Variants in SIPA1L3 observed in about 807,000 individuals in gnomAD.
The protein encoded by SIPA1L3 is signal induced proliferation associated 1 like 3.
SIPA1L3 carries 59 observed loss-of-function variants against 150.1 expected under a neutral mutation model. That is an observed-to-expected ratio of 0.39 (90% confidence interval 0.32 to 0.49). SIPA1L3 has a LOEUF of 0.49. Ranked by LOEUF, SIPA1L3 falls within the 20% of genes least tolerant of loss-of-function variation. The pLI is 0.86. For synonymous variants in SIPA1L3, 1,070 were observed against 1,077.6 expected (o/e 0.99, Z 0.14); for missense variants, 2,211 against 2,489.5 (o/e 0.89, Z 2.38).
intron 1 of SIPA1L3, among the ~76,000 whole-genome samples, chr19:37,971,132 T>G (rs184531485): frequency 5.0e-4 from 76 of 152,180 alleles, no homozygotes; most frequent in East Asian, 4.8e-3. Flanking sequence ...CCATGCTTTT[T>G]TTTGTTTGTT....
chr19:37,934,416 T>C (rs1300794057), intron 1 of SIPA1L3, among the ~76,000 whole-genome samples: 1 of 152,186 alleles, frequency 6.6e-6, no homozygotes, highest in Non-Finnish European at 1.5e-5. Context: ...GACTCTCCTA[T>C]TACACTTATT....
intron 4 of SIPA1L3, among the ~76,000 whole-genome samples, chr19:38,099,711 T>G (rs1359168125): frequency 6.6e-6 from 1 of 152,120 alleles, no homozygotes; most frequent in Non-Finnish European, 1.5e-5. Flanking sequence ...CCTTCAAGGT[T>G]ACGATACCAT....
chr19:38,017,940 A>C (rs1433367646), intron 1 of SIPA1L3, among the ~76,000 whole-genome samples: 1 of 140,990 alleles, frequency 7.1e-6, no homozygotes, highest in African/African-American at 2.5e-5. Flanking sequence ...ACTAAAAAGC[A>C]TGTGGCTGAC....
chr19:38,040,515 A>G (rs1440814278), intron 2 of SIPA1L3, among the ~76,000 whole-genome samples: 1 of 152,220 alleles, frequency 6.6e-6, no homozygotes, highest in African/African-American at 2.4e-5. Context: ...AAGTGGTTAT[A>G]TAATCGCCTG....
chr19:37,989,665 C>CT (rs74174502), intron 1 of SIPA1L3, among the ~76,000 whole-genome samples: 47,568 of 127,590 alleles, frequency 0.37, 9,388 homozygotes, highest in South Asian at 0.5. Flanking sequence ...AGGATGAATT[C>CT]TTTTTTTTTT....
intron 1 of SIPA1L3, among the ~76,000 whole-genome samples, chr19:37,995,922 T>G (rs1479509393): frequency 6.6e-6 from 1 of 152,072 alleles, no homozygotes; most frequent in Non-Finnish European, 1.5e-5. Flanking sequence ...CTTCAGTGGT[T>G]TGTTTTGTTC....
intron 2 of SIPA1L3, among the ~76,000 whole-genome samples, chr19:38,034,330 G>A (rs1968729512): frequency 6.6e-6 from 1 of 152,198 alleles, no homozygotes; most frequent in African/African-American, 2.4e-5. Context: ...TCACGTGCAT[G>A]ATCTCATTCA....
intron 2 of SIPA1L3, among the ~76,000 whole-genome samples, chr19:38,054,658 G>T (rs976177085): frequency 6.6e-6 from 1 of 152,182 alleles, no homozygotes; most frequent in Admixed American, 6.5e-5. Context: ...TCTGGAGTTG[G>T]TACACTCTCT....
At chr19:38,093,445 A>C (rs1458922104) in intron 4 of SIPA1L3, among the ~76,000 whole-genome samples, 2 of 151,936 alleles carry the variant, frequency 1.3e-5, no homozygotes, top group African/African-American at 4.8e-5. Flanking sequence ...AGCTTACAGA[A>C]CTGTGTTGTG....
At chr19:38,083,650 A>G (rs1312435904) in intron 3 of SIPA1L3, among the ~76,000 whole-genome samples, 2 of 152,190 alleles carry the variant, frequency 1.3e-5, no homozygotes, top group African/African-American at 4.8e-5. Flanking sequence ...TGAAGTCACC[A>G]TGTGCAAATT....
chr19:37,987,339 G>C (rs780947017), intron 1 of SIPA1L3, among the ~76,000 whole-genome samples: 1 of 152,032 alleles, frequency 6.6e-6, no homozygotes, highest in African/African-American at 2.4e-5. Context: ...TAGAATCTGG[G>C]ACACGCACTT....
chr19:37,928,863 T>C (rs1005453611), intron 1 of SIPA1L3, among the ~76,000 whole-genome samples: 1 of 152,144 alleles, frequency 6.6e-6, no homozygotes, highest in Admixed American at 6.6e-5. Context: ...AGGAGTTGAC[T>C]AAGCAGTTCC....
At chr19:38,107,705 G>C (rs1485147467) in intron 7 of SIPA1L3, among the ~76,000 whole-genome samples, 1 of 152,240 alleles carries the variant, frequency 6.6e-6, no homozygotes, top group Non-Finnish European at 1.5e-5. Context: ...GGCCAGGCTT[G>C]GTGGCTCATG....
intron 1 of SIPA1L3, among the ~76,000 whole-genome samples, chr19:37,970,673 G>A (rs1209756688): frequency 6.6e-6 from 1 of 152,236 alleles, no homozygotes; most frequent in Non-Finnish European, 1.5e-5. Context: ...TGGAGGGCAT[G>A]GAGGCTGTGC....
At chr19:38,160,406 CTTTT>C (rs1013776043) in intron 13 of SIPA1L3, among the ~76,000 whole-genome samples, 2 of 134,912 alleles carry the variant, frequency 1.5e-5, no homozygotes, top group Admixed American at 1.5e-4. Context: ...AGCTGCTACT[CTTTT>C]TTTTTTTTTT....
At position 38,206,180 on chromosome 19, in the gene SIPA1L3, C is replaced by T. The variant is rs964292927; in HGVS notation, c.5286C>T (p.Ala1762=). Reference sequence around the variant, plus strand: ...AGCGGCTGCAGGAGGAGTCGCAGGCCGCCAGCGAGCAGCTGCGCAAGTTTG... The same window carrying T: ...AGCGGCTGCAGGAGGAGTCGCAGGCTGCCAGCGAGCAGCTGCGCAAGTTTG... ...NNQRLQEESQ[A]ASEQLRKFAE... Residue 1762 remains alanine (A), a synonymous_variant, in exon 22 of 22, where the codon GCC becomes GCT. Transcript: ENST00000222345. 18 of 1,555,056 alleles carry T rather than the reference C, an allele frequency of 1.2e-5. No homozygotes were observed. The highest frequency in any genetic ancestry group is 1.7e-4 in the Middle Eastern group (1 of 6,010).
intron 12 of SIPA1L3, among the ~76,000 whole-genome samples, chr19:38,145,075 CAG>C (rs1349619700): frequency 7.9e-5 from 12 of 152,160 alleles, no homozygotes; most frequent in African/African-American, 2.4e-4. Context: ...AAATGGCAGT[CAG>C]AGTGACTCAC....
At chr19:38,011,610 G>A (rs548854584) in intron 1 of SIPA1L3, among the ~76,000 whole-genome samples, 6 of 152,336 alleles carry the variant, frequency 3.9e-5, no homozygotes, top group African/African-American at 9.6e-5. Context: ...AGAGCCACAC[G>A]TGCAAAGGCC....
chr19:37,958,729 A>T (rs1456296462), intron 1 of SIPA1L3, among the ~76,000 whole-genome samples: 2 of 152,218 alleles, frequency 1.3e-5, no homozygotes, highest in East Asian at 3.8e-4. Flanking sequence ...GATGCAAAGG[A>T]TGCCATCAAG....
Sources: gnomAD v4.1 joint callset for allele counts (sites outside exome capture counted in the v4.1 genomes callset) on GRCh38, gnomAD v4.1.1 for gene constraint, MANE v1.5 for transcripts, NCBI Gene and HGNC (gene_info 2026-07-23, HGNC 2026-07-21) for gene names.